S100A8: variants seen among roughly 807,000 people sequenced by gnomAD.
The protein encoded by S100A8 is S100 calcium binding protein A8.
In S100A8, 1 loss-of-function variant was observed where a neutral mutation model predicts 4.2. The ratio of observed to expected loss-of-function variants is 0.24; its 90% CI spans 0.08 to 1.12. The LOEUF is 1.12. Among genes scored for constraint, S100A8 ranks in the 50% most tolerant of loss-of-function variants. The probability of loss-of-function intolerance (pLI) is 0.53; values close to 1 mark genes in which losing one functional copy is unlikely to be tolerated. For missense variants in S100A8, 96 were observed against 111.8 expected, an observed-to-expected ratio of 0.86 and a Z score of 0.64; for synonymous variants, 41 against 44.7, an observed-to-expected ratio of 0.92 and a Z score of 0.33.
chr1:153,414,079 C>CTT, the S100A8 span, among the ~76,000 whole-genome samples: 3 of 151,688 alleles, frequency 2.0e-5, no homozygotes, highest in East Asian at 1.9e-4. Context: ...TCTTCTGTTC[C>CTT]TTTTTTTTAT....
At chr1:153,401,070 G>A in the S100A8 span, among the ~76,000 whole-genome samples, 1 of 152,186 alleles carries the variant, frequency 6.6e-6, no homozygotes, top group African/African-American at 2.4e-5. Context: ...CCAATACCCA[G>A]TGATGATCCC....
chr1:153,401,270 C>T, the S100A8 span, among the ~76,000 whole-genome samples: 1 of 152,206 alleles, frequency 6.6e-6, no homozygotes, highest in East Asian at 1.9e-4. Context: ...TTAATGTCAA[C>T]TCTTCCTTAA....
the S100A8 span, among the ~76,000 whole-genome samples, chr1:153,398,266 G>A: frequency 3.3e-5 from 5 of 152,162 alleles, no homozygotes; most frequent in African/African-American, 1.2e-4. Flanking sequence ...AAGATGGGCA[G>A]GGCCTGAGGG....
the S100A8 span, among the ~76,000 whole-genome samples, chr1:153,416,211 T>C: frequency 0.014 from 2,178 of 152,194 alleles, 54 homozygotes; most frequent in African/African-American, 0.05. Context: ...GAAACTCCAT[T>C]CTCTTTGGGT....
chr1:153,407,134 A>T, the S100A8 span, among the ~76,000 whole-genome samples: 8 of 152,182 alleles, frequency 5.3e-5, no homozygotes, highest in South Asian at 4.1e-4. Flanking sequence ...AATACAGTGG[A>T]TGCAGCCCAC....
the S100A8 span, among the ~76,000 whole-genome samples, chr1:153,403,888 A>C: frequency 6.6e-6 from 1 of 152,030 alleles, no homozygotes; most frequent in East Asian, 1.9e-4. Flanking sequence ...GTTAGCACAG[A>C]CCCCACAAGG....
chr1:153,419,161 A>G, the S100A8 span: 3 of 1,614,114 alleles, frequency 1.9e-6, no homozygotes, highest in Non-Finnish European at 2.5e-6. Context: ...AAGGGCATAC[A>G]TTACCTCGCC....
upstream of S100A8, among the ~76,000 whole-genome samples, chr1:153,393,708 G>A (rs1662154005): frequency 6.6e-6 from 1 of 152,166 alleles, no homozygotes; most frequent in Admixed American, 6.5e-5. Context: ...ACTATCCTAT[G>A]TGACCAGCAT....
the S100A8 span, among the ~76,000 whole-genome samples, chr1:153,415,044 G>A: frequency 2.6e-5 from 4 of 152,214 alleles, no homozygotes; most frequent in Admixed American, 1.3e-4. Flanking sequence ...TTCTTTTTCT[G>A]AGTAATTTCA....
upstream of S100A8, among the ~76,000 whole-genome samples, chr1:153,391,580 T>C (rs980112612): frequency 1.3e-5 from 2 of 152,184 alleles, no homozygotes; most frequent in Admixed American, 6.5e-5. Flanking sequence ...ATGAGAACTA[T>C]TGTTCTCATT....
the S100A8 span, among the ~76,000 whole-genome samples, chr1:153,406,105 T>C: frequency 9.2e-5 from 14 of 152,030 alleles, no homozygotes; most frequent in South Asian, 2.1e-4. Context: ...ATTGAAAGGA[T>C]GCCCCTACAA....
chr1:153,411,092 C>A, the S100A8 span, among the ~76,000 whole-genome samples: 1 of 152,202 alleles, frequency 6.6e-6, no homozygotes, highest in Non-Finnish European at 1.5e-5. Context: ...CCCTCTCTCA[C>A]TACTCCTATT....
chr1:153,398,222 C>G, the S100A8 span, among the ~76,000 whole-genome samples: 2,624 of 152,264 alleles, frequency 0.017, 78 homozygotes, highest in African/African-American at 0.06. Flanking sequence ...CCCCAAGGAG[C>G]CCAGTAATCA....
chr1:153,418,139 A>G, the S100A8 span: 1 of 1,613,994 alleles, frequency 6.2e-7, no homozygotes, highest in Admixed American at 1.7e-5. Flanking sequence ...TGTTTCACAA[A>G]TACACCGGAC....
the S100A8 span, among the ~76,000 whole-genome samples, chr1:153,406,746 A>G: frequency 5.5e-3 from 832 of 152,198 alleles, 6 homozygotes; most frequent in African/African-American, 0.019. Flanking sequence ...CCTGTTCACA[A>G]TCAGCCTGTT....
At chr1:153,414,338 G>A in the S100A8 span, among the ~76,000 whole-genome samples, 1 of 152,182 alleles carries the variant, frequency 6.6e-6, no homozygotes, top group African/African-American at 2.4e-5. Context: ...CAGACTGGGA[G>A]AAAATATTTA....
At chr1:153,418,339 T>G in the S100A8 span, 4 of 1,374,016 alleles carry the variant, frequency 2.9e-6, no homozygotes, top group Non-Finnish European at 3.0e-6. Flanking sequence ...GTTTCCCATT[T>G]GCAAATAGGG....
the S100A8 span, among the ~76,000 whole-genome samples, chr1:153,399,775 G>A: frequency 4.6e-3 from 694 of 152,216 alleles, 11 homozygotes; most frequent in African/African-American, 0.016. Flanking sequence ...CCTTAGGGAG[G>A]CGATATTTCA....
upstream of S100A8, among the ~76,000 whole-genome samples, chr1:153,393,454 G>A (rs990165852): frequency 1.3e-5 from 2 of 152,108 alleles, no homozygotes; most frequent in Admixed American, 6.5e-5. Context: ...ACTTATTGAG[G>A]GATAAATGAA....
Sources: gnomAD v4.1 joint callset for allele counts (sites outside exome capture counted in the v4.1 genomes callset) on GRCh38, gnomAD v4.1.1 for gene constraint, MANE v1.5 for transcripts, NCBI Gene and HGNC (gene_info 2026-07-23, HGNC 2026-07-21) for gene names.